The following MYO5C variants were observed in gnomAD, a reference collection of about 807,000 sequenced individuals.
MYO5C encodes the protein myosin VC.
In MYO5C, 194 loss-of-function variants were observed where a neutral mutation model predicts 235.7. The observed-to-expected ratio is 0.82, with a 90% CI of 0.73 to 0.93. MYO5C has a LOEUF of 0.93. MYO5C is among the 40% of genes least tolerant of loss of function. The pLI, the probability that MYO5C is intolerant of heterozygous loss-of-function variation, is 0.00. For missense variants in MYO5C, 2,038 were observed against 2,127.2 expected, an observed-to-expected ratio of 0.96 and a Z score of 0.82; for synonymous variants, 707 against 754.8, an observed-to-expected ratio of 0.94 and a Z score of 1.04.
intron 17 of MYO5C, 135 bp downstream of exon 17, chr15:52,245,821 G>GCACTTTA: frequency 2.7e-6 from 2 of 745,720 alleles, no homozygotes; most frequent in Non-Finnish European, 4.6e-6. Context: ...CTTCCACAGG[G>GCACTTTA]CAGTGGGAAA....
chr15:52,228,233 T>G (rs964362979), intron 25 of MYO5C, among the ~76,000 whole-genome samples: 3 of 152,004 alleles, frequency 2.0e-5, no homozygotes, highest in African/African-American at 7.3e-5. Flanking sequence ...AACCTCCGCC[T>G]CCCAGGTTCA....
intron 32 of MYO5C, among the ~76,000 whole-genome samples, chr15:52,216,569 T>G (rs951723767): frequency 2.0e-5 from 3 of 152,166 alleles, no homozygotes; most frequent in Admixed American, 6.5e-5. Context: ...TTTGAATTTC[T>G]TTGATAAATA....
chr15:52,198,352 C>A (rs535959374), intron 38 of MYO5C, among the ~76,000 whole-genome samples: 1 of 152,156 alleles, frequency 6.6e-6, no homozygotes, highest in South Asian at 2.1e-4. Flanking sequence ...GAAAATCAGT[C>A]CCAGCTGTGA....
At chr15:52,286,259 G>A (rs1377387895) in intron 1 of MYO5C, among the ~76,000 whole-genome samples, 2 of 151,326 alleles carry the variant, frequency 1.3e-5, no homozygotes, top group African/African-American at 4.9e-5. Context: ...GCCTCGTCTG[G>A]GAGGGAGGTG....
At chr15:52,205,745 A>G in intron 37 of MYO5C, 71 bp downstream of exon 37, 1 of 976,248 alleles carries the variant, frequency 1.0e-6, no homozygotes, top group East Asian at 2.5e-5. Flanking sequence ...CACATTACAC[A>G]TACCAAGTTT....
rs2035610552 is a variant in MYO5C, at chr15:52,218,741, C to T, written c.3786-54G>A. On this transcript the variant is annotated intron_variant, in intron 31 of 40. Coordinates refer to ENST00000261839, the MANE Select transcript of MYO5C (RefSeq NM_018728.4). ...ATCAGTATGACGGTCATGGAGAAGTCACTCACTGTCATAGCAAGTGCTGAT... is the reference window on the plus strand; with the variant it reads ...ATCAGTATGACGGTCATGGAGAAGTTACTCACTGTCATAGCAAGTGCTGAT... The T allele has an allele frequency of 7.0e-6, 11 of 1,570,336 alleles. No homozygotes were observed. In the South Asian group the frequency reaches 1.3e-4, roughly 18 times the overall value.
rs2035492987 is a variant in MYO5C at position 52,213,433 on chromosome 15, C to T, written c.4043-147G>A. ...ACATTAAAACTGTACTGTATTGTAT[C>T]CTGAAGAATTTCTCCAAGTAGTGAT... On this transcript the variant is annotated intron_variant, in intron 33 of 40. Transcript: ENST00000261839. The T allele has an allele frequency of 2.5e-5, 15 of 593,816 alleles. No homozygotes were observed. In the South Asian group the frequency reaches 2.8e-4, roughly 11 times the overall value. 36.8% of individuals were successfully genotyped at this position (593,816 alleles called of 1,614,324 possible). A position where few individuals can be genotyped will look rare whatever the true frequency, so the allele number is the denominator to read the frequency against.
At chr15:52,198,309 T>C (rs944408445) in intron 38 of MYO5C, among the ~76,000 whole-genome samples, 1 of 152,340 alleles carries the variant, frequency 6.6e-6, no homozygotes. Flanking sequence ...TAGTTCAGCC[T>C]GGGCGACAAG....
intron 1 of MYO5C, 34 bp downstream of exon 1, chr15:52,295,576 A>G: frequency 6.7e-7 from 1 of 1,500,390 alleles, no homozygotes; most frequent in Non-Finnish European, 8.9e-7. Flanking sequence ...CGGCTCCCCC[A>G]CAGCGCTCCC....
chr15:52,246,508 G>C (rs111365804), intron 16 of MYO5C, among the ~76,000 whole-genome samples: 31 of 152,130 alleles, frequency 2.0e-4, no homozygotes, highest in African/African-American at 6.8e-4. Flanking sequence ...CAAGCTACAA[G>C]GGACTTGTTA....
chr15:52,213,377 G>T, intron 33 of MYO5C, 91 bp from the exon 34 acceptor site: 1 of 854,366 alleles, frequency 1.2e-6, no homozygotes, highest in Non-Finnish European at 2.0e-6. Flanking sequence ...ATTCTGGCTG[G>T]TTTGCACGTA....
chr15:52,288,875 C>T (rs2037330518), intron 1 of MYO5C, among the ~76,000 whole-genome samples: 1 of 152,162 alleles, frequency 6.6e-6, no homozygotes, highest in African/African-American at 2.4e-5. Flanking sequence ...GGCTCGGGAC[C>T]ACTGAACCTT....
At chr15:52,242,780 C>T (rs1328557828) in intron 19 of MYO5C, 1 of 152,228 alleles carries the variant, frequency 6.6e-6, no homozygotes. Context: ...AACAGTTATT[C>T]TGCTTGGGGA....
chr15:52,229,351 A>G (rs1316543336), intron 24 of MYO5C, 38 bp from the exon 25 acceptor site: 2 of 1,595,334 alleles, frequency 1.3e-6, no homozygotes, highest in Admixed American at 3.4e-5. Context: ...AGAGCTGAGC[A>G]TGGTGGCTGA....
rs943145894 is a variant in MYO5C at position 52,270,004 on chromosome 15, T to A, written c.833-144A>T. ...TCCATTTATTCCTTAGAACTCTGCATTACAGCCAGGTGTGGAGGCTCATGC... is the reference window on the plus strand; with the variant it reads ...TCCATTTATTCCTTAGAACTCTGCAATACAGCCAGGTGTGGAGGCTCATGC... On this transcript the variant is annotated intron_variant, in intron 7 of 40. Coordinates refer to ENST00000261839, the MANE Select transcript of MYO5C (RefSeq NM_018728.4). 6 of 624,566 alleles carry A rather than the reference T, an allele frequency of 9.6e-6. No homozygotes were observed. In the African/African-American group the frequency reaches 1.1e-4, roughly 12 times the overall value. 38.7% of individuals were successfully genotyped at this position (624,566 alleles called of 1,614,324 possible).
chr15:52,202,664 C>CATTT (rs1230271659), intron 38 of MYO5C, among the ~76,000 whole-genome samples: 2 of 152,114 alleles, frequency 1.3e-5, no homozygotes, highest in Non-Finnish European at 2.9e-5. Flanking sequence ...AAACATAACT[C>CATTT]ATTTCTCAAT....
chr15:52,275,486 A>G (rs961063853), intron 5 of MYO5C, 76 bp downstream of exon 5: 60 of 1,566,320 alleles, frequency 3.8e-5, no homozygotes, highest in African/African-American at 6.8e-5. Context: ...AACTTGAATT[A>G]GCCAGGAGAG....
At chr15:52,270,299 A>C (rs577603351) in intron 7 of MYO5C, among the ~76,000 whole-genome samples, 21 of 152,220 alleles carry the variant, frequency 1.4e-4, no homozygotes, top group African/African-American at 4.1e-4. Flanking sequence ...ACAACAACAA[A>C]AAAAATCCTA....
In MYO5C at chr15:52,258,234, C is replaced by T. The variant is rs75240705; in HGVS notation, c.1314-1514G>A. Among the ~76,000 whole-genome samples the T allele has an allele frequency of 8.8e-3, 1,344 of 152,330 alleles. 19 individuals are homozygous for T. The highest frequency in any genetic ancestry group is 0.025 in the African/African-American group (1,019 of 41,566). Reference sequence around the variant, plus strand: ...GCACATTGGCTATGAAAACACTTCACACTGGAACCATGCTTATGGTTTTCA... The same window carrying T: ...GCACATTGGCTATGAAAACACTTCATACTGGAACCATGCTTATGGTTTTCA... On this transcript the variant is annotated intron_variant, in intron 10 of 40. Coordinates refer to ENST00000261839, the MANE Select transcript of MYO5C (RefSeq NM_018728.4).
Sources: allele counts gnomAD v4.1 joint callset (sites outside exome capture counted in the v4.1 genomes callset), GRCh38; gene constraint gnomAD v4.1.1; transcripts MANE v1.5; gene names NCBI Gene and HGNC (gene_info 2026-07-23, HGNC 2026-07-21).